Variants in GPR158 observed in about 807,000 individuals in gnomAD.
GPR158 encodes the protein G protein-coupled receptor 158.
GPR158 carries 30 observed loss-of-function variants against 78.2 expected under a neutral mutation model. The observed-to-expected ratio is 0.38, with a 90% CI of 0.29 to 0.52. The LOEUF is 0.52. Ranked by LOEUF, GPR158 falls within the 20% of genes least tolerant of loss-of-function variation. The probability of loss-of-function intolerance (pLI) is 0.83; values close to 1 mark genes in which losing one functional copy is unlikely to be tolerated. For synonymous variants in GPR158, 581 were observed against 591.1 expected (o/e 0.98, Z 0.25); for missense variants, 1,463 against 1,523.5 (o/e 0.96, Z 0.66).
At chr10:25,328,927 C>CAAAAAAAAAA (rs3054026) in intron 2 of GPR158, among the ~76,000 whole-genome samples, 25 of 89,102 alleles carry the variant, frequency 2.8e-4, no homozygotes, top group African/African-American at 4.5e-4. Context: ...AACTTCATCA[C>CAAAAAAAAAA]AAAAAAAAAA....
Position 25,599,570 on chromosome 10 carries a change from A to C in GPR158, c.*296A>C. 1 of 287,328 alleles carries C rather than the reference A, an allele frequency of 3.5e-6. No homozygotes were observed. Among genetic ancestry groups the C allele is most frequent in the Non-Finnish European group, 6.5e-6 (1 of 154,070 alleles). 17.8% of individuals were successfully genotyped at this position (287,328 alleles called of 1,614,324 possible). A position where few individuals can be genotyped will look rare whatever the true frequency, so the allele number is the denominator to read the frequency against. On this transcript the variant is annotated 3_prime_UTR_variant, in exon 11 of 11. Transcript: ENST00000376351. ...TGTCTGCCCTGATCAATATGTATCC[A>C]TGGGACTTTGAAGATCCTAAGCCAG... is the stretch of plus-strand genomic sequence containing the variant.
At chr10:25,522,047 A>G (rs1345475994) in intron 5 of GPR158, among the ~76,000 whole-genome samples, 1 of 152,228 alleles carries the variant, frequency 6.6e-6, no homozygotes, top group Non-Finnish European at 1.5e-5. Context: ...ATAACCAGTA[A>G]TTAGGGTAAA....
At chr10:25,540,129 G>A (rs185233751) in intron 5 of GPR158, among the ~76,000 whole-genome samples, 16 of 152,154 alleles carry the variant, frequency 1.1e-4, no homozygotes, top group African/African-American at 2.2e-4. Flanking sequence ...ATAAGTGGGC[G>A]AAGGATATGA....
chr10:25,449,015 A>G (rs1835178762), intron 4 of GPR158, among the ~76,000 whole-genome samples: 1 of 152,202 alleles, frequency 6.6e-6, no homozygotes, highest in African/African-American at 2.4e-5. Context: ...TTATAATCAG[A>G]CACTGTTTAG....
In GPR158 at chr10:25,421,341, T is replaced by G. The variant is rs144506973; in HGVS notation, c.1335+8868T>G. ...TTTTGTACTTAGCAATTGATGTTCCTCCTTCGTGCTTTCTATTTCCTGTGA... is the reference window on the plus strand; with the variant it reads ...TTTTGTACTTAGCAATTGATGTTCCGCCTTCGTGCTTTCTATTTCCTGTGA... On this transcript the variant is annotated intron_variant, in intron 4 of 10. Coordinates refer to ENST00000376351, the MANE Select transcript of GPR158 (RefSeq NM_020752.3). Among the ~76,000 whole-genome samples, 11 of 152,308 alleles carry G rather than the reference T, an allele frequency of 7.2e-5. No individual in the cohort carries two copies. In the East Asian group the frequency reaches 2.1e-3, roughly 29 times the overall value.
At chr10:25,329,366 G>A (rs1005977606) in intron 2 of GPR158, among the ~76,000 whole-genome samples, 2 of 151,912 alleles carry the variant, frequency 1.3e-5, no homozygotes, top group Admixed American at 6.6e-5. Context: ...CACGAACCCC[G>A]GGGGCGGAGC....
At position 25,599,016 on chromosome 10, in the gene GPR158, G is replaced by A. The variant is rs1334018875; in HGVS notation, c.3390G>A (p.Glu1130=). ...LPPKAVASKT[E]NENLNQIGHQ... ...CCAAAGCTGTAGCATCAAAAACAGAGAATGAAAATCTCAACCAAATAGGAC... is the reference window on the plus strand; with the variant it reads ...CCAAAGCTGTAGCATCAAAAACAGAAAATGAAAATCTCAACCAAATAGGAC... Residue 1130 remains glutamate, a synonymous_variant, in exon 11 of 11, where the codon GAG becomes GAA. Transcript: ENST00000376351. 1.2e-6 allele frequency: 2 copies of A among 1,614,004 alleles called. No homozygotes were observed. Among genetic ancestry groups the A allele is most frequent in the African/African-American group, 1.3e-5 (1 of 74,904 alleles).
intron 2 of GPR158, among the ~76,000 whole-genome samples, chr10:25,321,917 G>A (rs980614663): frequency 6.6e-6 from 1 of 152,026 alleles, no homozygotes; most frequent in Non-Finnish European, 1.5e-5. Context: ...AGGATATTTA[G>A]AGAATATGGA....
chr10:25,322,227 A>G (rs1854960132), intron 2 of GPR158, among the ~76,000 whole-genome samples: 1 of 152,054 alleles, frequency 6.6e-6, no homozygotes. Flanking sequence ...TAAAAATACA[A>G]AAAATTAGCC....
intron 10 of GPR158, 30 bp downstream of exon 10, chr10:25,596,819 T>C (rs780202519): frequency 3.1e-6 from 5 of 1,601,898 alleles, no homozygotes; most frequent in East Asian, 4.5e-5. Context: ...TTTCTTCCTA[T>C]TTCAGATTAG....
At chr10:25,359,785 G>A (rs1416008706) in intron 2 of GPR158, among the ~76,000 whole-genome samples, 1 of 152,146 alleles carries the variant, frequency 6.6e-6, no homozygotes, top group Non-Finnish European at 1.5e-5. Context: ...CCAGTAATGG[G>A]ATGGCTGGGT....
At chr10:25,346,591 G>T (rs1855374954) in intron 2 of GPR158, among the ~76,000 whole-genome samples, 1 of 151,948 alleles carries the variant, frequency 6.6e-6, no homozygotes, top group East Asian at 2.0e-4. Context: ...TTTTTCTAAG[G>T]TATTATTCCC....
chr10:25,395,869 T>A lies in GPR158; in HGVS notation c.1009-42T>A, dbSNP rs777911788. 3.2e-6 allele frequency: 3 copies of A among 943,460 alleles called. No individual in the cohort carries two copies. The East Asian group carries it at 7.3e-5, about 23-fold the overall frequency. 58.4% of individuals were successfully genotyped at this position (943,460 alleles called of 1,614,324 possible). A position where few individuals can be genotyped will look rare whatever the true frequency, so the allele number is the denominator to read the frequency against. ...ATCTGCGAGCCTTTATACCATGAGA[T>A]AAGCCATGATCAACTATGTTGCTGT... is the stretch of plus-strand genomic sequence containing the variant. On this transcript the variant is annotated intron_variant, in intron 2 of 10. Coordinates refer to ENST00000376351, the MANE Select transcript of GPR158 (RefSeq NM_020752.3).
intron 2 of GPR158, among the ~76,000 whole-genome samples, chr10:25,360,379 T>G (rs1855617286): frequency 1.3e-5 from 2 of 152,088 alleles, no homozygotes; most frequent in South Asian, 4.2e-4. Context: ...TTTTTATGGC[T>G]TTAGGTCTTA....
At chr10:25,531,349 A>T (rs969479618) in intron 5 of GPR158, among the ~76,000 whole-genome samples, 3 of 152,212 alleles carry the variant, frequency 2.0e-5, no homozygotes, top group Admixed American at 6.5e-5. Context: ...CCCCGCGTCC[A>T]TGCTGGTTTT....
At chr10:25,347,620 G>T (rs1206032860) in intron 2 of GPR158, among the ~76,000 whole-genome samples, 1 of 151,952 alleles carries the variant, frequency 6.6e-6, no homozygotes, top group African/African-American at 2.4e-5. Flanking sequence ...TTAAATAAAT[G>T]ACTATCTAGA....
intron 2 of GPR158, among the ~76,000 whole-genome samples, chr10:25,369,123 T>C (rs930786701): frequency 2.6e-5 from 4 of 151,728 alleles, no homozygotes; most frequent in Admixed American, 2.6e-4. Context: ...ACAGGGACAA[T>C]TTGTCTTCCT....
At chr10:25,320,374 T>C (rs1170019360) in intron 2 of GPR158, among the ~76,000 whole-genome samples, 1 of 152,212 alleles carries the variant, frequency 6.6e-6, no homozygotes, top group East Asian at 1.9e-4. Context: ...GCCAGGCACA[T>C]ACAGTCTGTG....
rs921540881 is a variant in GPR158, at chr10:25,237,930, C to T, written c.1008+16773C>T. Among the ~76,000 whole-genome samples the T allele has an allele frequency of 3.3e-5, 5 of 151,956 alleles. No homozygotes were observed. In the South Asian group the frequency reaches 8.3e-4, roughly 25 times the overall value. ...CCCCTCCTTTTCCACCTCCCTCTTT[C>T]CCTCCCTTTCTCACTCCCTCCCCTT... On this transcript the variant is annotated intron_variant, in intron 2 of 10. Transcript: ENST00000376351.
Sources: gnomAD v4.1 joint callset for allele counts (sites outside exome capture counted in the v4.1 genomes callset) on GRCh38, gnomAD v4.1.1 for gene constraint, MANE v1.5 for transcripts, NCBI Gene and HGNC (gene_info 2026-07-23, HGNC 2026-07-21) for gene names.